Variants in CCDC68 observed in about 807,000 individuals in gnomAD.
The protein encoded by CCDC68 is coiled-coil domain-containing protein 68.
In CCDC68, 45 loss-of-function variants were observed where a neutral mutation model predicts 47.1. The observed-to-expected ratio is 0.96, with a 90% confidence interval of 0.75 to 1.23. The LOEUF (loss-of-function observed/expected upper bound fraction) is 1.23, where lower values mean the gene tolerates loss of function less well. Among genes scored for constraint, CCDC68 ranks in the 50% most tolerant of loss-of-function variants. The pLI is 0.00. For missense variants in CCDC68, 353 were observed against 373.6 expected (o/e 0.94, Z 0.45); for synonymous variants, 131 against 129.5 (o/e 1.01, Z -0.08).
intron 6 of CCDC68, 122 bp downstream of exon 6, chr18:54,936,709 TCC>T: frequency 8.3e-6 from 10 of 1,199,982 alleles, no homozygotes; most frequent in Non-Finnish European, 1.2e-5. Flanking sequence ...ACCGCTTCTT[TCC>T]CAAGTCTTTT....
chr18:54,955,709 T>C (rs537898596), intron 1 of CCDC68, among the ~76,000 whole-genome samples: 1 of 151,052 alleles, frequency 6.6e-6, no homozygotes, highest in East Asian at 1.9e-4. Context: ...GAAGTTCTTT[T>C]TTGTTTGTTT....
At chr18:54,935,050 G>T in intron 6 of CCDC68, 102 bp from the exon 7 acceptor site, 1 of 868,590 alleles carries the variant, frequency 1.2e-6, no homozygotes, top group South Asian at 3.5e-5. Flanking sequence ...AAAAAATTCA[G>T]AATTCATACT....
chr18:54,924,409 A>G (rs1297798326), intron 8 of CCDC68, among the ~76,000 whole-genome samples: 1 of 152,134 alleles, frequency 6.6e-6, no homozygotes, highest in African/African-American at 2.4e-5. Context: ...TATCTCACAC[A>G]TCCCAGACTT....
chr18:54,904,439 T>C, intron 11 of CCDC68, 24 bp from the exon 12 acceptor site: 1 of 1,594,438 alleles, frequency 6.3e-7, no homozygotes, highest in East Asian at 2.2e-5. Context: ...AACACGATGA[T>C]CAAAATGGAG....
chr18:54,955,075 C>T (rs1462242149), intron 1 of CCDC68, among the ~76,000 whole-genome samples: 1 of 152,160 alleles, frequency 6.6e-6, no homozygotes, highest in Non-Finnish European at 1.5e-5. Context: ...AATCCCAGCA[C>T]TTTGGGAGGC....
chr18:54,951,778 T>C (rs922222397), intron 1 of CCDC68, among the ~76,000 whole-genome samples: 1 of 152,226 alleles, frequency 6.6e-6, no homozygotes, highest in Admixed American at 6.5e-5. Context: ...ATTTATTCCA[T>C]GAACAAAGGC....
chr18:54,914,427 G>A (rs1242417556), intron 10 of CCDC68, among the ~76,000 whole-genome samples: 2 of 152,082 alleles, frequency 1.3e-5, no homozygotes, highest in African/African-American at 4.8e-5. Context: ...AGACCAGCCT[G>A]GCCAACATGG....
At chr18:54,918,081 G>A in intron 9 of CCDC68, 85 bp from the exon 10 acceptor site, 1 of 622,302 alleles carries the variant, frequency 1.6e-6, no homozygotes, top group South Asian at 2.0e-5. Flanking sequence ...GGATTTCTGA[G>A]GTCAAAAGAT....
intron 8 of CCDC68, among the ~76,000 whole-genome samples, chr18:54,925,902 CCT>C (rs1374137000): frequency 6.6e-6 from 1 of 152,054 alleles, no homozygotes; most frequent in Non-Finnish European, 1.5e-5. Context: ...TAGGTGTAGC[CCT>C]GTTTGCATTT....
chr18:54,957,549 C>A (rs1466566237), intron 1 of CCDC68, among the ~76,000 whole-genome samples: 2 of 151,784 alleles, frequency 1.3e-5, no homozygotes, highest in Non-Finnish European at 2.9e-5. Context: ...AATATTGTTT[C>A]AATGAATACA....
chr18:54,950,040 C>G (rs1013222021), intron 1 of CCDC68, among the ~76,000 whole-genome samples: 1 of 152,136 alleles, frequency 6.6e-6, no homozygotes, highest in African/African-American at 2.4e-5. Context: ...TTTTCCAAAC[C>G]TAGTTTTTCA....
chr18:54,958,698 C>G (rs2044753130), intron 1 of CCDC68, among the ~76,000 whole-genome samples: 1 of 152,164 alleles, frequency 6.6e-6, no homozygotes, highest in Non-Finnish European at 1.5e-5. Flanking sequence ...TACACTTGCA[C>G]GGTCCCGTAC....
chr18:54,953,529 C>CAT (rs1433439378), intron 1 of CCDC68, among the ~76,000 whole-genome samples: 1 of 130,874 alleles, frequency 7.6e-6, no homozygotes, highest in Non-Finnish European at 1.6e-5. Flanking sequence ...CACACACACA[C>CAT]ACACACACAC....
chr18:54,931,180 A>G (rs899516359), intron 7 of CCDC68, among the ~76,000 whole-genome samples: 152 of 152,196 alleles, frequency 1.0e-3, no homozygotes, highest in African/African-American at 3.6e-3. Context: ...GGTCAAGGGG[A>G]CCAGACAACC....
intron 1 of CCDC68, among the ~76,000 whole-genome samples, chr18:54,949,532 C>A (rs2044579756): frequency 6.6e-6 from 1 of 152,124 alleles, no homozygotes; most frequent in Non-Finnish European, 1.5e-5. Flanking sequence ...ACAACTGACT[C>A]CAGGTCAGCC....
At chr18:54,935,155 T>C (rs1296655210) in intron 6 of CCDC68, among the ~76,000 whole-genome samples, 1 of 152,228 alleles carries the variant, frequency 6.6e-6, no homozygotes, top group Admixed American at 6.5e-5. Flanking sequence ...TGTATAAATA[T>C]TCTTCCTAGA....
intron 1 of CCDC68, among the ~76,000 whole-genome samples, chr18:54,953,984 TCCCCTCCC>T (rs2044666022): frequency 1.9e-5 from 1 of 53,720 alleles, no homozygotes; most frequent in Non-Finnish European, 3.7e-5. Flanking sequence ...TCCCCTCCCC[TCCCCTCCC>T]CTCCCTTCCC....
At chr18:54,916,042 A>C (rs1328239085) in intron 10 of CCDC68, among the ~76,000 whole-genome samples, 2 of 152,210 alleles carry the variant, frequency 1.3e-5, no homozygotes, top group Non-Finnish European at 2.9e-5. Context: ...CTGTGAAGAA[A>C]TGTCTTTAGA....
chr18:54,953,617 G>A (rs2044659077), intron 1 of CCDC68, among the ~76,000 whole-genome samples: 1 of 148,076 alleles, frequency 6.8e-6, no homozygotes, highest in African/African-American at 2.5e-5. Context: ...CAGGCAACTG[G>A]GCTGCTGATT....
Sources: allele counts gnomAD v4.1 joint callset (sites outside exome capture counted in the v4.1 genomes callset), GRCh38; gene constraint gnomAD v4.1.1; transcripts MANE v1.5; gene names NCBI Gene and HGNC (gene_info 2026-07-23, HGNC 2026-07-21).